PPP2R2B: variants seen among roughly 807,000 people sequenced by gnomAD.
PPP2R2B encodes protein phosphatase 2 regulatory subunit Bbeta.
In PPP2R2B, 5 loss-of-function variants were observed where a neutral mutation model predicts 46.0. That is an observed-to-expected ratio of 0.11 (90% CI 0.06 to 0.23). The LOEUF is 0.23. Among genes scored for constraint, PPP2R2B ranks in the 10% least tolerant of loss-of-function variants. The pLI, the probability that PPP2R2B is intolerant of heterozygous loss-of-function variation, is 1.00. For missense variants in PPP2R2B, 367 were observed against 575.0 expected (o/e 0.64, Z 3.70); for synonymous variants, 215 against 206.7 (o/e 1.04, Z -0.34).
At chr5:146,794,250 T>C (rs1485722078) in intron 2 of PPP2R2B, among the ~76,000 whole-genome samples, 1 of 152,216 alleles carries the variant, frequency 6.6e-6, no homozygotes, top group East Asian at 1.9e-4. Flanking sequence ...TCAATCATAA[T>C]CAATTTCCTA....
chr5:147,062,634 G>A (rs751360373), intron 2 of PPP2R2B, among the ~76,000 whole-genome samples: 16 of 151,996 alleles, frequency 1.1e-4, no homozygotes, highest in South Asian at 2.1e-4. Flanking sequence ...CCATGCCACC[G>A]TGCTCTCTGA....
intron 1 of PPP2R2B, among the ~76,000 whole-genome samples, chr5:147,008,434 T>C (rs868867582): frequency 2.0e-5 from 3 of 152,308 alleles, no homozygotes; most frequent in Admixed American, 1.3e-4. Flanking sequence ...TATTCATAAA[T>C]CTTCACCCTG....
intron 5 of PPP2R2B, among the ~76,000 whole-genome samples, chr5:146,666,475 A>G (rs1776984676): frequency 6.6e-6 from 1 of 152,114 alleles, no homozygotes; most frequent in Non-Finnish European, 1.5e-5. Flanking sequence ...TCTGCACTGG[A>G]CTCTTCTTGG....
rs557190089 is a variant in PPP2R2B at position 147,006,070 on chromosome 5, A to C, written c.79+49595T>G. Among the ~76,000 whole-genome samples the C allele has an allele frequency of 5.5e-4, 83 of 152,292 alleles. 1 individual carries two copies. Among genetic ancestry groups the C allele is most frequent in the African/African-American group, 2.0e-3 (83 of 41,574 alleles). The stretch of plus-strand genomic sequence containing the variant: ...TCCTAACAGGGGGATCTAAATCTTA[A>C]TTAATTACCATACAAAGGTCTGACC... On this transcript the variant is annotated intron_variant, in intron 1 of 8. Transcript: ENST00000336640.
upstream of PPP2R2B, among the ~76,000 whole-genome samples, chr5:147,059,195 A>G (rs577756601): frequency 4.5e-4 from 69 of 152,276 alleles, no homozygotes; most frequent in Non-Finnish European, 9.0e-4. Context: ...AGACTAATGA[A>G]CTGTTTTAAT....
At chr5:146,936,239 G>T (rs1764135139) in intron 1 of PPP2R2B, among the ~76,000 whole-genome samples, 1 of 152,032 alleles carries the variant, frequency 6.6e-6, no homozygotes. Context: ...TTTCAAGAAA[G>T]CAAAGATTTC....
chr5:146,764,813 G>A (rs1754375518), intron 2 of PPP2R2B, among the ~76,000 whole-genome samples: 1 of 150,626 alleles, frequency 6.6e-6, no homozygotes, highest in South Asian at 2.1e-4. Flanking sequence ...GAGAGAGAGA[G>A]AGAGAGAGAG....
chr5:147,081,360 T>C, exon 1 of PPP2R2B: 1 of 1,481,470 alleles, frequency 6.8e-7, no homozygotes, highest in Non-Finnish European at 9.1e-7. Context: ...CTCCTCCGTT[T>C]GACCAGGCCA....
intron 1 of PPP2R2B, among the ~76,000 whole-genome samples, chr5:147,033,089 G>A (rs1457040503): frequency 2.0e-5 from 3 of 152,002 alleles, no homozygotes; most frequent in Non-Finnish European, 4.4e-5. Flanking sequence ...GAAAACCTTA[G>A]GTTAATAAAA....
At chr5:146,773,402 C>G (rs571378064) in intron 2 of PPP2R2B, among the ~76,000 whole-genome samples, 38 of 152,326 alleles carry the variant, frequency 2.5e-4, no homozygotes, top group African/African-American at 8.7e-4. Flanking sequence ...AGGCTTCATG[C>G]TCTTCTTTCA....
chr5:146,739,732 A>T (rs1207809933), intron 2 of PPP2R2B, among the ~76,000 whole-genome samples: 2 of 152,196 alleles, frequency 1.3e-5, no homozygotes, highest in African/African-American at 4.8e-5. Flanking sequence ...TTCCATGATC[A>T]CTATTTATCC....
chr5:146,937,827 T>C (rs1764204134), intron 1 of PPP2R2B, among the ~76,000 whole-genome samples: 1 of 152,192 alleles, frequency 6.6e-6, no homozygotes, highest in Non-Finnish European at 1.5e-5. Flanking sequence ...ACAATGTTTT[T>C]ATTTATTTAT....
At chr5:146,693,961 C>T (rs1246491075) in intron 4 of PPP2R2B, among the ~76,000 whole-genome samples, 2 of 152,158 alleles carry the variant, frequency 1.3e-5, no homozygotes, top group Non-Finnish European at 1.5e-5. Context: ...CCTCTTTTGC[C>T]CCTTGCTCCA....
In PPP2R2B at chr5:146,856,654, G is replaced by T. The variant is rs556014692; in HGVS notation, c.70+21348C>A. On this transcript the variant is annotated intron_variant, in intron 2 of 9. Coordinates refer to ENST00000394411, the MANE Select transcript of PPP2R2B (RefSeq NM_181675.4). The stretch of plus-strand genomic sequence containing the variant: ...TGCTTCAACTTTTGGTAACATACAG[G>T]TGCATTTACATACTTTCCACATACC... 39 of 1,104,972 alleles carry T rather than the reference G, an allele frequency of 3.5e-5. No homozygotes were observed. In the East Asian group the frequency reaches 9.2e-4, roughly 26 times the overall value. The allele number at this position is 1,104,972 out of a possible 1,614,324, so 68.4% of individuals were successfully genotyped here.
In PPP2R2B at chr5:146,600,377, T is replaced by C. The variant is rs1771663390; in HGVS notation, c.874A>G (p.Ser292Gly). 3 of 1,614,018 alleles carry C rather than the reference T, an allele frequency of 1.9e-6. No individual in the cohort carries two copies. Among genetic ancestry groups the C allele is most frequent in the Non-Finnish European group, 2.5e-6 (3 of 1,179,942 alleles). The change falls in exon 8 of 10, where the codon AGT becomes GGT. Residue 292 changes from serine (S) to glycine (G), a missense_variant. Physicochemically the swap from Ser to Gly is moderately conservative, Grantham distance 56. Coordinates refer to ENST00000394411, the MANE Select transcript of PPP2R2B (RefSeq NM_181675.4). ...SSISDVKFSH[S>G]GRYIMTRDYL... ...TCCCTGGTCATGATATACCTCCCACTGTGGCTGAACTTCACATCCGAAATC... is the reference window on the plus strand; with the variant it reads ...TCCCTGGTCATGATATACCTCCCACCGTGGCTGAACTTCACATCCGAAATC...
intron 6 of PPP2R2B, among the ~76,000 whole-genome samples, chr5:146,643,815 T>C (rs1775388965): frequency 6.6e-6 from 1 of 152,252 alleles, no homozygotes; most frequent in Non-Finnish European, 1.5e-5. Flanking sequence ...AGTCTGTGAA[T>C]ATGCCTGATA....
At chr5:146,931,653 AT>A (rs1480993784) in intron 1 of PPP2R2B, among the ~76,000 whole-genome samples, 1 of 152,112 alleles carries the variant, frequency 6.6e-6, no homozygotes, top group Non-Finnish European at 1.5e-5. Flanking sequence ...TTAGCTTCTT[AT>A]TAGCAGGTAT....
At chr5:146,862,377 G>A (rs887316495) in intron 2 of PPP2R2B, among the ~76,000 whole-genome samples, 5 of 152,196 alleles carry the variant, frequency 3.3e-5, no homozygotes, top group African/African-American at 9.7e-5. Context: ...CTGCCTTCTT[G>A]GAGTGTCTGT....
chr5:146,760,866 A>G (rs1201242373), intron 2 of PPP2R2B, among the ~76,000 whole-genome samples: 2 of 152,188 alleles, frequency 1.3e-5, no homozygotes, highest in Non-Finnish European at 2.9e-5. Flanking sequence ...ATATGAACAG[A>G]CAGTTCTCAA....
Sources: allele counts gnomAD v4.1 joint callset (sites outside exome capture counted in the v4.1 genomes callset), GRCh38; gene constraint gnomAD v4.1.1; transcripts MANE v1.5; gene names NCBI Gene and HGNC (gene_info 2026-07-23, HGNC 2026-07-21).